RPTOR: variants seen among roughly 807,000 people sequenced by gnomAD.
RPTOR encodes the protein regulatory associated protein of MTOR complex 1, also known as regulatory-associated protein of mTOR.
A neutral mutation model predicts 169.9 loss-of-function variants in RPTOR; 21 were observed. The ratio of observed to expected loss-of-function variants is 0.12; its 90% confidence interval spans 0.09 to 0.18. The LOEUF (loss-of-function observed/expected upper bound fraction) is 0.18, where lower values mean the gene tolerates loss of function less well. Among genes scored for constraint, RPTOR ranks in the 10% least tolerant of loss-of-function variants. The pLI, the probability that RPTOR is intolerant of heterozygous loss-of-function variation, is 1.00. For missense variants in RPTOR, 1,133 were observed against 1,855.9 expected (o/e 0.61, Z 7.16); for synonymous variants, 732 against 753.2 (o/e 0.97, Z 0.46).
chr17:80,767,583 A>C (rs1211982345), intron 6 of RPTOR, among the ~76,000 whole-genome samples: 1 of 152,222 alleles, frequency 6.6e-6, no homozygotes. Flanking sequence ...ATTCAAAGAC[A>C]ACCCCGCACC....
At chr17:80,819,406 C>T (rs1422652376) in intron 7 of RPTOR, among the ~76,000 whole-genome samples, 1 of 152,242 alleles carries the variant, frequency 6.6e-6, no homozygotes, top group African/African-American at 2.4e-5. Flanking sequence ...AAGCATTGTC[C>T]CATATTATTG....
intron 7 of RPTOR, among the ~76,000 whole-genome samples, chr17:80,799,462 G>A (rs1239189035): frequency 6.6e-6 from 1 of 152,202 alleles, no homozygotes; most frequent in Non-Finnish European, 1.5e-5. Flanking sequence ...TTTTTAGGGA[G>A]TCTGAAGACC....
At chr17:80,745,586 AT>A (rs1208321027) in intron 5 of RPTOR, among the ~76,000 whole-genome samples, 1 of 152,214 alleles carries the variant, frequency 6.6e-6, no homozygotes, top group Non-Finnish European at 1.5e-5. Flanking sequence ...CCACATTAAT[AT>A]CTTTGACTAT....
At chr17:80,567,836 G>A (rs1210465028) in intron 1 of RPTOR, among the ~76,000 whole-genome samples, 4 of 142,486 alleles carry the variant, frequency 2.8e-5, no homozygotes, top group Non-Finnish European at 6.2e-5. Flanking sequence ...ATAAATAAAA[G>A]TCCATTATCT....
intron 1 of RPTOR, among the ~76,000 whole-genome samples, chr17:80,598,090 C>T (rs1339032073): frequency 6.6e-6 from 1 of 152,000 alleles, no homozygotes; most frequent in African/African-American, 2.4e-5. Context: ...CACCGTGAGC[C>T]GTGATCATGC....
rs779056607 is a variant in RPTOR at position 80,721,325 on chromosome 17, C to T, written c.508-9235C>T. 8.6e-5 allele frequency among the ~76,000 whole-genome samples: 13 copies of T among 151,302 alleles called. No individual in the cohort carries two copies. The highest frequency in any genetic ancestry group is 1.9e-4 in the East Asian group (1 of 5,200). On this transcript the variant is annotated intron_variant, in intron 4 of 33. Transcript: ENST00000306801. The surrounding 1 kb of genome is among the most constrained non-coding windows in gnomAD (Gnocchi z 4.7). ...ACTGTGAGTCATTGAGGCTCCTGGA[C>T]GCGGCGGAAGTGCAAGCGGGAAAAA...
At chr17:80,570,726 G>T (rs202174431) in intron 1 of RPTOR, among the ~76,000 whole-genome samples, 1 of 152,172 alleles carries the variant, frequency 6.6e-6, no homozygotes, top group African/African-American at 2.4e-5. Flanking sequence ...CTCCCAAAGT[G>T]CTGGGATTAC....
At chr17:80,784,168 G>C (rs2066968432) in intron 6 of RPTOR, among the ~76,000 whole-genome samples, 2 of 151,638 alleles carry the variant, frequency 1.3e-5, no homozygotes, top group Admixed American at 1.3e-4. Context: ...TGTCCACGCT[G>C]GCCTCACACT....
intron 6 of RPTOR, among the ~76,000 whole-genome samples, chr17:80,766,452 T>C (rs1387114130): frequency 6.6e-6 from 1 of 152,168 alleles, no homozygotes; most frequent in African/African-American, 2.4e-5. Context: ...TGGGCTCAAG[T>C]GATCCTCCTG....
intron 26 of RPTOR, among the ~76,000 whole-genome samples, 196 bp downstream of exon 26, chr17:80,945,977 G>A (rs972338380): frequency 1.3e-5 from 2 of 152,046 alleles, no homozygotes; most frequent in South Asian, 2.1e-4. Context: ...CACCTGCCCC[G>A]GGCCTGGCCC....
intron 3 of RPTOR, among the ~76,000 whole-genome samples, chr17:80,705,478 C>T (rs907602622): frequency 9.2e-5 from 14 of 152,326 alleles, no homozygotes; most frequent in African/African-American, 3.4e-4. Context: ...GAAAGATATT[C>T]ATACATCTAC....
At chr17:80,777,647 T>C (rs1312934134) in intron 6 of RPTOR, among the ~76,000 whole-genome samples, 1 of 152,212 alleles carries the variant, frequency 6.6e-6, no homozygotes, top group Non-Finnish European at 1.5e-5. Context: ...CCTGTACTTT[T>C]AGTGTCATGT....
intron 9 of RPTOR, among the ~76,000 whole-genome samples, chr17:80,830,615 G>T (rs2067493091): frequency 6.6e-6 from 1 of 152,256 alleles, no homozygotes; most frequent in Admixed American, 6.5e-5. Flanking sequence ...TTCGAAAGGA[G>T]TTTGGTAGTT....
intron 3 of RPTOR, among the ~76,000 whole-genome samples, chr17:80,706,835 G>A (rs184286787): frequency 4.3e-4 from 65 of 152,304 alleles, no homozygotes; most frequent in African/African-American, 1.4e-3. Context: ...TAAGAATGTT[G>A]ACTCAGCCCA....
At chr17:80,675,726 C>T (rs547289355) in intron 3 of RPTOR, among the ~76,000 whole-genome samples, 1 of 152,154 alleles carries the variant, frequency 6.6e-6, no homozygotes, top group Non-Finnish European at 1.5e-5. Flanking sequence ...CCGGGCTGGC[C>T]CCAGCTTCAC....
At chr17:80,647,352 A>G (rs2065604161) in intron 3 of RPTOR, among the ~76,000 whole-genome samples, 1 of 152,228 alleles carries the variant, frequency 6.6e-6, no homozygotes, top group South Asian at 2.1e-4. Context: ...TGAAAGTTTT[A>G]TTGGGAAATG....
At chr17:80,799,455 T>C (rs2067133766) in intron 7 of RPTOR, among the ~76,000 whole-genome samples, 1 of 152,198 alleles carries the variant, frequency 6.6e-6, no homozygotes, top group East Asian at 1.9e-4. Flanking sequence ...TGCCAGCTTT[T>C]TAGGGAGTCT....
At chr17:80,835,556 CA>C (rs1464036482) in intron 9 of RPTOR, among the ~76,000 whole-genome samples, 1 of 152,168 alleles carries the variant, frequency 6.6e-6, no homozygotes, top group Non-Finnish European at 1.5e-5. Context: ...GTCCCTAATT[CA>C]AAAATCCAAA....
intron 7 of RPTOR, among the ~76,000 whole-genome samples, chr17:80,816,890 TC>T (rs1034415009): frequency 1.3e-5 from 2 of 152,192 alleles, no homozygotes; most frequent in Non-Finnish European, 2.9e-5. Context: ...GCCAGTGGTC[TC>T]CCCGGCCCAT....
Sources: allele counts gnomAD v4.1 joint callset (sites outside exome capture counted in the v4.1 genomes callset), GRCh38; gene constraint gnomAD v4.1.1; non-coding constraint Gnocchi (gnomAD v3.1); transcripts MANE v1.5; gene names NCBI Gene and HGNC (gene_info 2026-07-23, HGNC 2026-07-21).